The following ADAMTSL3 variants were observed in gnomAD, a reference collection of about 807,000 sequenced individuals.
ADAMTSL3 encodes the protein ADAMTS-like protein 3.
A neutral mutation model predicts 201.7 loss-of-function variants in ADAMTSL3; 128 were observed. The observed-to-expected ratio is 0.63, with a 90% CI of 0.55 to 0.73. The LOEUF is 0.73. Among genes scored for constraint, ADAMTSL3 ranks in the 30% least tolerant of loss-of-function variants. The probability of loss-of-function intolerance (pLI) is 0.00; values close to 1 mark genes in which losing one functional copy is unlikely to be tolerated. For synonymous variants in ADAMTSL3, 738 were observed against 748.4 expected (o/e 0.99, Z 0.23); for missense variants, 1,990 against 2,119.6 (o/e 0.94, Z 1.20).
intron 19 of ADAMTSL3, among the ~76,000 whole-genome samples, chr15:83,968,596 C>G (rs2067132693): frequency 1.3e-5 from 2 of 152,194 alleles, no homozygotes; most frequent in Admixed American, 1.3e-4. Context: ...TTGTGGAAGT[C>G]AGTGTGGCAA....
intron 19 of ADAMTSL3, among the ~76,000 whole-genome samples, chr15:83,964,384 A>C (rs770129016): frequency 1.3e-5 from 2 of 152,274 alleles, no homozygotes; most frequent in East Asian, 3.9e-4. Flanking sequence ...AGCATACACA[A>C]GTATCAATAG....
In ADAMTSL3 at chr15:83,982,570, G is replaced by A. The variant is rs774699404; in HGVS notation, c.2942G>A (p.Arg981Gln). ...GCTGCCCCCGACATCGGCGTGTACC[G>A]GTGCATTGCAGGCTCTGCACAGGAA... The part of the protein sequence containing the change: ...GLAAPDIGVY[R>Q]CIAGSAQETV... Residue 981 changes from arginine to glutamine, a missense_variant, in exon 21 of 30, where the codon CGG (arginine) becomes CAG (glutamine). Physicochemically the swap from Arg to Gln is conservative, Grantham distance 43 (BLOSUM62 1). Transcript: ENST00000286744. The A allele has an allele frequency of 1.2e-5, 20 of 1,614,106 alleles. 1 individual carries two copies. Among genetic ancestry groups the A allele is most frequent in the South Asian group, 6.6e-5 (6 of 91,082 alleles).
intron 3 of ADAMTSL3, among the ~76,000 whole-genome samples, chr15:83,737,515 A>G (rs947316196): frequency 1.3e-5 from 2 of 152,122 alleles, no homozygotes; most frequent in Admixed American, 6.5e-5. Context: ...CACGTATGAC[A>G]TGCCTGCTTC....
chr15:83,822,612 A>C (rs1373814922), intron 6 of ADAMTSL3, among the ~76,000 whole-genome samples: 3 of 146,214 alleles, frequency 2.1e-5, no homozygotes, highest in Non-Finnish European at 4.5e-5. Context: ...CCGGGCAGAG[A>C]CGCTCCTCAC....
intron 4 of ADAMTSL3, among the ~76,000 whole-genome samples, chr15:83,774,741 G>A (rs72746927): frequency 0.02 from 3,119 of 152,246 alleles, 43 homozygotes; most frequent in Non-Finnish European, 0.033. Flanking sequence ...CTGGTATTCT[G>A]TGTCATGCTG....
intron 16 of ADAMTSL3, among the ~76,000 whole-genome samples, chr15:83,922,487 T>TA (rs1224938539): frequency 2.6e-5 from 4 of 152,040 alleles, no homozygotes; most frequent in South Asian, 2.1e-4. Flanking sequence ...TTCTCAGATT[T>TA]AAAAAAAATG....
intron 3 of ADAMTSL3, among the ~76,000 whole-genome samples, chr15:83,754,052 T>C (rs1232792511): frequency 1.3e-5 from 2 of 152,192 alleles, no homozygotes; most frequent in East Asian, 3.9e-4. Context: ...TTTCTCCACC[T>C]CACCACTGTT....
chr15:83,802,066 A>T (rs1448094983), intron 4 of ADAMTSL3, among the ~76,000 whole-genome samples: 1 of 152,146 alleles, frequency 6.6e-6, no homozygotes, highest in Non-Finnish European at 1.5e-5. Context: ...AAGTGTGTTT[A>T]CAGCTTTGAG....
intron 4 of ADAMTSL3, among the ~76,000 whole-genome samples, chr15:83,793,292 A>G (rs2063371150): frequency 6.6e-6 from 1 of 152,226 alleles, no homozygotes; most frequent in South Asian, 2.1e-4. Context: ...TGTAGTTAAT[A>G]TATTGTATTA....
chr15:83,792,791 C>CAA (rs71156100), intron 4 of ADAMTSL3, among the ~76,000 whole-genome samples: 53 of 122,452 alleles, frequency 4.3e-4, no homozygotes, highest in East Asian at 2.1e-3. Context: ...GACTCTGTCT[C>CAA]AAAAAAAAAA....
At chr15:83,858,017 G>A (rs2064777239) in intron 7 of ADAMTSL3, among the ~76,000 whole-genome samples, 1 of 152,182 alleles carries the variant, frequency 6.6e-6, no homozygotes, top group Admixed American at 6.5e-5. Flanking sequence ...CTGAGGACCA[G>A]GATTTCCAGT....
chr15:83,690,088 A>T (rs560643350), intron 2 of ADAMTSL3, among the ~76,000 whole-genome samples: 4 of 152,158 alleles, frequency 2.6e-5, no homozygotes, highest in African/African-American at 9.6e-5. Context: ...TTTTTTCTTG[A>T]GTTCTGAGAT....
intron 4 of ADAMTSL3, among the ~76,000 whole-genome samples, chr15:83,791,585 G>A (rs902822489): frequency 2.6e-4 from 39 of 152,154 alleles, no homozygotes; most frequent in African/African-American, 7.2e-5. Flanking sequence ...AACGCCAGGC[G>A]CAGTGGCTCA....
rs1312439735 is a variant in ADAMTSL3, at chr15:83,688,337, A to G, written c.70-16052A>G. On this transcript the variant is annotated intron_variant, in intron 2 of 29. Transcript: ENST00000286744. ...CCAAACGTTATGAGGCACACAATGA[A>G]ACAGCAAAGTGTGGCCCATAACATG... 3.9e-5 allele frequency among the ~76,000 whole-genome samples: 6 copies of G among 152,232 alleles called. No homozygotes were observed. The East Asian group carries it at 5.8e-4, about 15-fold the overall frequency.
intron 23 of ADAMTSL3, among the ~76,000 whole-genome samples, chr15:83,998,489 T>C (rs545122553): frequency 6.6e-6 from 1 of 151,890 alleles, no homozygotes; most frequent in Admixed American, 6.6e-5. Flanking sequence ...AATAAAAGAG[T>C]CTGTAAATCA....
intron 14 of ADAMTSL3, among the ~76,000 whole-genome samples, chr15:83,898,501 T>A (rs1196238495): frequency 6.6e-6 from 1 of 152,222 alleles, no homozygotes; most frequent in Non-Finnish European, 1.5e-5. Context: ...GTCATCTTTA[T>A]CATGTGTACT....
At chr15:83,884,193 A>G (rs2065340614) in intron 9 of ADAMTSL3, among the ~76,000 whole-genome samples, 1 of 149,586 alleles carries the variant, frequency 6.7e-6, no homozygotes, top group South Asian at 2.1e-4. Flanking sequence ...GTGCCTGGCC[A>G]CATTAATCTT....
At chr15:83,879,672 G>A (rs2065236916) in intron 9 of ADAMTSL3, among the ~76,000 whole-genome samples, 1 of 152,116 alleles carries the variant, frequency 6.6e-6, no homozygotes, top group African/African-American at 2.4e-5. Flanking sequence ...ATATAACAAA[G>A]TTTGGGAGAA....
intron 3 of ADAMTSL3, among the ~76,000 whole-genome samples, chr15:83,768,640 C>G (rs963418822): frequency 1.3e-5 from 2 of 152,204 alleles, no homozygotes; most frequent in South Asian, 2.1e-4. Context: ...GATCAAGGCT[C>G]TGTCCACTGC....
Sources: gnomAD v4.1 joint callset for allele counts (sites outside exome capture counted in the v4.1 genomes callset) on GRCh38, gnomAD v4.1.1 for gene constraint, MANE v1.5 for transcripts, NCBI Gene and HGNC (gene_info 2026-07-23, HGNC 2026-07-21) for gene names.